Variants in CLASP2 observed in about 807,000 individuals in gnomAD.
CLASP2 encodes the protein cytoplasmic linker associated protein 2.
Under a neutral mutation model 194.4 loss-of-function variants are expected in CLASP2, and 47 were observed. The ratio of observed to expected loss-of-function variants is 0.24; its 90% confidence interval spans 0.19 to 0.31. CLASP2 has a LOEUF of 0.31. CLASP2 is among the 10% of genes least tolerant of loss of function. The probability of loss-of-function intolerance (pLI) is 1.00; values close to 1 mark genes in which losing one functional copy is unlikely to be tolerated. For synonymous variants in CLASP2, 619 were observed against 633.5 expected (o/e 0.98, Z 0.34); for missense variants, 1,445 against 1,823.6 (o/e 0.79, Z 3.78).
In CLASP2 at chr3:33,688,513, GT is replaced by G. The variant is rs2090975260; in HGVS notation, c.379-146del. ...TTGTTCATTTCTCCACTACTTACAAGTTTTTCTAAGCCAAATTACACAATTG... is the reference window on the plus strand; with the variant it reads ...TTGTTCATTTCTCCACTACTTACAAGTTTTCTAAGCCAAATTACACAATTG... On this transcript the variant is annotated intron_variant, in intron 3 of 38. Coordinates refer to ENST00000682230, the MANE Select transcript of CLASP2 (RefSeq NM_001365631.1). 9.6e-6 allele frequency: 6 copies of G among 626,590 alleles called. No individual in the cohort carries two copies. In the South Asian group the frequency reaches 1.4e-4, roughly 15 times the overall value. 38.8% of individuals were successfully genotyped at this position (626,590 alleles called of 1,614,324 possible).
intron 6 of CLASP2, among the ~76,000 whole-genome samples, chr3:33,674,369 G>A (rs2088062837): frequency 1.3e-5 from 2 of 151,918 alleles, no homozygotes; most frequent in South Asian, 4.1e-4. Flanking sequence ...AATGAAGGCA[G>A]AAATGAAGAT....
chr3:33,577,800 CA>C (rs1234441086), intron 23 of CLASP2, among the ~76,000 whole-genome samples: 3 of 152,236 alleles, frequency 2.0e-5, no homozygotes, highest in East Asian at 3.9e-4. Flanking sequence ...AGTGCCTTTA[CA>C]AAAGAGACCC....
chr3:33,601,701 T>C (rs78560607), intron 18 of CLASP2, among the ~76,000 whole-genome samples: 6 of 152,194 alleles, frequency 3.9e-5, no homozygotes, highest in Non-Finnish European at 8.8e-5. Context: ...GTTTTTATCA[T>C]CTGGAATATA....
chr3:33,716,450 G>A (rs2093306078), intron 1 of CLASP2, among the ~76,000 whole-genome samples: 1 of 152,154 alleles, frequency 6.6e-6, no homozygotes, highest in African/African-American at 2.4e-5. Context: ...GAGTGAAATG[G>A]CCCAAAGCCA....
intron 37 of CLASP2, among the ~76,000 whole-genome samples, chr3:33,509,271 T>C (rs1277560529): frequency 6.6e-6 from 1 of 152,212 alleles, no homozygotes; most frequent in Non-Finnish European, 1.5e-5. Context: ...TACCAGCATC[T>C]TTCCTAACTA....
intron 2 of CLASP2, among the ~76,000 whole-genome samples, chr3:33,690,641 G>A (rs1219244598): frequency 6.6e-6 from 1 of 152,092 alleles, no homozygotes; most frequent in Non-Finnish European, 1.5e-5. Context: ...GGCCAACTGT[G>A]GTCTGAAAAT....
intron 7 of CLASP2, among the ~76,000 whole-genome samples, chr3:33,652,677 G>A (rs1485815946): frequency 6.6e-6 from 1 of 152,126 alleles, no homozygotes; most frequent in African/African-American, 2.4e-5. Flanking sequence ...CTGAGTTCCA[G>A]ACCTATATAT....
At position 33,563,398 on chromosome 3, in the gene CLASP2, T is replaced by C. The variant is rs376563465; in HGVS notation, c.2767-2427A>G. On this transcript the variant is annotated intron_variant, in intron 27 of 38. Transcript: ENST00000682230. ...TCTCTCTGATCTATCCCATGAGGCC[T>C]TTTTCCTGGCCTTCTCCAAATCTGT... 2.6e-5 allele frequency among the ~76,000 whole-genome samples: 4 copies of C among 152,290 alleles called. No individual in the cohort carries two copies. The East Asian group carries it at 5.8e-4, about 22-fold the overall frequency.
chr3:33,529,024 C>T (rs9817098), intron 34 of CLASP2, among the ~76,000 whole-genome samples: 61,716 of 151,782 alleles, frequency 0.41, 12,889 homozygotes, highest in Admixed American at 0.53. Context: ...TCCTATACAC[C>T]AACAACAGCC....
intron 7 of CLASP2, among the ~76,000 whole-genome samples, chr3:33,646,831 G>A (rs564008048): frequency 6.6e-6 from 1 of 152,208 alleles, no homozygotes; most frequent in South Asian, 2.1e-4. Context: ...TACCAGCATC[G>A]TGTAAGTACC....
chr3:33,644,594 A>C (rs773436582), intron 8 of CLASP2, 163 bp downstream of exon 8: 1 of 728,214 alleles, frequency 1.4e-6, no homozygotes, highest in African/African-American at 1.8e-5. Flanking sequence ...AATATTTTAT[A>C]CATTTCAAAA....
At position 33,713,066 on chromosome 3, in the gene CLASP2, C is replaced by G. The variant is rs144409613; in HGVS notation, c.195+4742G>C. The stretch of plus-strand genomic sequence containing the variant: ...AAAGTGTGAATCACCAGCAACCATA[C>G]ACCTGTAGTGGTCTGAATTGGTAGT... On this transcript the variant is annotated intron_variant, in intron 1 of 38. Coordinates refer to ENST00000682230, the MANE Select transcript of CLASP2 (RefSeq NM_001365631.1). Among the ~76,000 whole-genome samples the G allele has an allele frequency of 7.8e-3, 1,090 of 139,726 alleles. 13 individuals carry two copies. The highest frequency in any genetic ancestry group is 0.027 in the African/African-American group (1,031 of 37,632). 91.7% of individuals were successfully genotyped at this position (139,726 alleles called of 152,430 possible). A position where few individuals can be genotyped will look rare whatever the true frequency, so the allele number is the denominator to read the frequency against.
rs2090763395 is a variant in CLASP2 at position 33,687,040 on chromosome 3, G to C, written c.546+20C>G. 2.8e-6 allele frequency: 4 copies of C among 1,442,862 alleles called. No homozygotes were observed. The highest frequency in any genetic ancestry group is 1.4e-5 in the African/African-American group (1 of 69,290). The allele number at this position is 1,442,862 out of a possible 1,614,324, so 89.4% of individuals were successfully genotyped here. ...GTAGCCAAAAAATCAGTCAATGCTT[G>C]AATGTAAATAAAATTTTACCTGACT... is the stretch of plus-strand genomic sequence containing the variant. On this transcript the variant is annotated intron_variant, in intron 5 of 38. Coordinates refer to ENST00000682230, the MANE Select transcript of CLASP2 (RefSeq NM_001365631.1).
rs537476248 is a variant in CLASP2 at position 33,542,812 on chromosome 3, T to C, written c.3404+621A>G. On this transcript the variant is annotated intron_variant, in intron 32 of 38. Coordinates refer to ENST00000682230, the MANE Select transcript of CLASP2 (RefSeq NM_001365631.1). ...ACTTATACTGAGTAGTATAATGTAA[T>C]TGAAAGACATAGTTTGCAATTTACT... 4.6e-5 allele frequency among the ~76,000 whole-genome samples: 7 copies of C among 152,222 alleles called. No individual in the cohort carries two copies. In the South Asian group the frequency reaches 6.2e-4, roughly 14 times the overall value.
chr3:33,506,545 A>G (rs1219147886), intron 37 of CLASP2, among the ~76,000 whole-genome samples: 1 of 152,144 alleles, frequency 6.6e-6, no homozygotes, highest in East Asian at 1.9e-4. Context: ...AGTTCCAAAA[A>G]AGTTGATTCT....
At chr3:33,679,459 T>C (rs780654462) in intron 6 of CLASP2, among the ~76,000 whole-genome samples, 24 of 151,600 alleles carry the variant, frequency 1.6e-4, no homozygotes, top group Non-Finnish European at 3.2e-4. Context: ...AGCCACAGAG[T>C]GGGAGAAAAT....
intron 23 of CLASP2, among the ~76,000 whole-genome samples, chr3:33,579,622 G>GATGATGACC (rs1305070670): frequency 6.6e-6 from 1 of 152,188 alleles, no homozygotes; most frequent in South Asian, 2.1e-4. Flanking sequence ...TGGTAGCAGT[G>GATGATGACC]ATGATGACCA....
chr3:33,604,116 TA>T, intron 17 of CLASP2, 37 bp downstream of exon 17: 1 of 1,454,260 alleles, frequency 6.9e-7, no homozygotes, highest in Non-Finnish European at 9.4e-7. Flanking sequence ...GTTTCAAAGA[TA>T]AAATAGGTTA....
At chr3:33,540,784 T>TC (rs2058219180) in intron 32 of CLASP2, among the ~76,000 whole-genome samples, 1 of 151,904 alleles carries the variant, frequency 6.6e-6, no homozygotes, top group East Asian at 1.9e-4. Context: ...CTTTTTTTTT[T>TC]TTTTTTGAGA....
Sources: allele counts gnomAD v4.1 joint callset (sites outside exome capture counted in the v4.1 genomes callset), GRCh38; gene constraint gnomAD v4.1.1; transcripts MANE v1.5; gene names NCBI Gene and HGNC (gene_info 2026-07-23, HGNC 2026-07-21).